AK4: variants seen among roughly 807,000 people sequenced by gnomAD.
AK4 encodes the protein adenylate kinase 4, mitochondrial.
A neutral mutation model predicts 24.6 loss-of-function variants in AK4; 13 were observed. The ratio of observed to expected loss-of-function variants is 0.53; its 90% CI spans 0.34 to 0.84. The LOEUF is 0.84. Ranked by LOEUF, AK4 falls within the 40% of genes least tolerant of loss-of-function variation. AK4 has a pLI of 0.01. For synonymous variants in AK4, 88 were observed against 107.0 expected (o/e 0.82, Z 1.10); for missense variants, 192 against 288.2 (o/e 0.67, Z 2.42).
At chr1:65,202,768 A>G (rs1352632552) in intron 2 of AK4, among the ~76,000 whole-genome samples, 1 of 152,116 alleles carries the variant, frequency 6.6e-6, no homozygotes, top group Non-Finnish European at 1.5e-5. Flanking sequence ...TACAATGCAC[A>G]AACCATGATG....
chr1:65,172,103 A>T (rs187603718), intron 1 of AK4, among the ~76,000 whole-genome samples: 6,713 of 115,342 alleles, frequency 0.058, 716 homozygotes, highest in Admixed American at 0.16. Context: ...ATATATATAT[A>T]TTTAAACTCA....
At chr1:65,204,955 T>C (rs1004753553) in intron 2 of AK4, among the ~76,000 whole-genome samples, 2 of 152,218 alleles carry the variant, frequency 1.3e-5, no homozygotes, top group African/African-American at 4.8e-5. Context: ...CATTGAAATG[T>C]ACACTTTAAA....
At chr1:65,201,866 CA>C (rs968673326) in intron 2 of AK4, among the ~76,000 whole-genome samples, 21 of 152,264 alleles carry the variant, frequency 1.4e-4, no homozygotes, top group African/African-American at 4.3e-4. Context: ...TATGAAACAA[CA>C]TGGTGTATTC....
chr1:65,214,996 T>C (rs1399180138), intron 2 of AK4, among the ~76,000 whole-genome samples: 1 of 152,192 alleles, frequency 6.6e-6, no homozygotes, highest in African/African-American at 2.4e-5. Flanking sequence ...TTTAGTGTCA[T>C]ACTTGCACTG....
At chr1:65,154,100 T>G (rs1649892174) in intron 1 of AK4, among the ~76,000 whole-genome samples, 1 of 152,178 alleles carries the variant, frequency 6.6e-6, no homozygotes, top group African/African-American at 2.4e-5. Flanking sequence ...TTTTGCCTGC[T>G]GTGTGGAGAG....
At chr1:65,174,501 A>G (rs1005074239) in intron 1 of AK4, among the ~76,000 whole-genome samples, 2 of 152,074 alleles carry the variant, frequency 1.3e-5, no homozygotes, top group South Asian at 2.1e-4. Context: ...TTCTTTTAAC[A>G]TACCTCATTT....
rs954036874 is a variant in AK4, at chr1:65,231,288, A to G, written c.*5111A>G. 2 of 152,180 alleles carry G rather than the reference A, an allele frequency of 1.3e-5. No individual in the cohort carries two copies. Among genetic ancestry groups the G allele is most frequent in the African/African-American group, 4.8e-5 (2 of 41,440 alleles). 9.4% of individuals were successfully genotyped at this position (152,180 alleles called of 1,614,324 possible). ...AATTTGCACAGTTCTTGCCAGAATA[A>G]ATGCCATTATCTGTATGTTTCAGGG... On this transcript the variant is annotated 3_prime_UTR_variant, in exon 5 of 5. Coordinates refer to ENST00000327299, the MANE Select transcript of AK4 (RefSeq NM_013410.4).
chr1:65,200,362 A>G (rs1048992089), intron 2 of AK4, among the ~76,000 whole-genome samples: 3 of 152,060 alleles, frequency 2.0e-5, no homozygotes, highest in African/African-American at 7.2e-5. Context: ...TGATCTGCCC[A>G]CCTCAGCCTC....
intron 3 of AK4, among the ~76,000 whole-genome samples, chr1:65,219,701 A>G (rs1570143881): frequency 1.3e-5 from 2 of 152,288 alleles, no homozygotes; most frequent in Admixed American, 1.3e-4. Context: ...GCATTAGTGT[A>G]GTACATTTGT....
intron 2 of AK4, among the ~76,000 whole-genome samples, chr1:65,215,333 G>A (rs573664389): frequency 4.6e-5 from 7 of 151,992 alleles, no homozygotes; most frequent in Non-Finnish European, 5.9e-5. Context: ...CACCATGCCC[G>A]GCTAATTTTT....
intron 2 of AK4, among the ~76,000 whole-genome samples, chr1:65,199,579 G>A (rs1339008823): frequency 2.6e-5 from 4 of 151,924 alleles, no homozygotes; most frequent in Non-Finnish European, 5.9e-5. Flanking sequence ...AAAAAAATTT[G>A]TAACCAGATA....
In AK4 at chr1:65,223,944, G is replaced by T. The variant is rs573227071; in HGVS notation, c.439-808G>T. ...GGAGGCGGAGGTTGCAGTGAGCCGA[G>T]ATCGAGCCATTGCACTCCAGCCTGG... On this transcript the variant is annotated intron_variant, in intron 3 of 4. Transcript: ENST00000327299. Among the ~76,000 whole-genome samples, 4 of 152,278 alleles carry T rather than the reference G, an allele frequency of 2.6e-5. No homozygotes were observed. In the South Asian group the frequency reaches 8.3e-4, roughly 32 times the overall value.
At chr1:65,168,045 C>T (rs1650390775) in intron 1 of AK4, among the ~76,000 whole-genome samples, 1 of 152,136 alleles carries the variant, frequency 6.6e-6, no homozygotes, top group Non-Finnish European at 1.5e-5. Context: ...AATTCTTTTT[C>T]AGCCTTTCAC....
At chr1:65,194,022 TTGAGGCAGCAG>T (rs1363694538) in intron 2 of AK4, among the ~76,000 whole-genome samples, 2 of 152,112 alleles carry the variant, frequency 1.3e-5, no homozygotes, top group Admixed American at 1.3e-4. Flanking sequence ...GCCTGAGAGG[TTGAGGCAGCAG>T]TGAGGCATGA....
intron 4 of AK4, among the ~76,000 whole-genome samples, chr1:65,225,800 C>G (rs571675971): frequency 1.3e-5 from 2 of 152,050 alleles, no homozygotes; most frequent in East Asian, 3.9e-4. Context: ...TGGAATGGCC[C>G]CTATAATGCT....
At chr1:65,156,778 C>G (rs1030165042) in intron 1 of AK4, among the ~76,000 whole-genome samples, 3 of 151,774 alleles carry the variant, frequency 2.0e-5, no homozygotes, top group Non-Finnish European at 4.4e-5. Context: ...AAAAATTAGC[C>G]GGGCGTGGTG....
chr1:65,217,669 G>A (rs958796939), intron 2 of AK4, among the ~76,000 whole-genome samples: 4 of 152,006 alleles, frequency 2.6e-5, no homozygotes, highest in Admixed American at 2.0e-4. Context: ...GTGTAATTTG[G>A]GGTCATATGA....
chr1:65,223,947 C>T (rs958510794), intron 3 of AK4, among the ~76,000 whole-genome samples: 3 of 152,050 alleles, frequency 2.0e-5, no homozygotes, highest in African/African-American at 4.8e-5. Flanking sequence ...GAGCCGAGAT[C>T]GAGCCATTGC....
intron 2 of AK4, among the ~76,000 whole-genome samples, chr1:65,214,225 C>T (rs12064366): frequency 6.6e-6 from 1 of 152,194 alleles, no homozygotes; most frequent in African/African-American, 2.4e-5. Flanking sequence ...ATTCTCCTGC[C>T]TCAGCCTCCT....
Sources: gnomAD v4.1 joint callset for allele counts (sites outside exome capture counted in the v4.1 genomes callset) on GRCh38, gnomAD v4.1.1 for gene constraint, MANE v1.5 for transcripts, NCBI Gene and HGNC (gene_info 2026-07-23, HGNC 2026-07-21) for gene names.